The following XXYLT1 variants were observed in gnomAD, a reference collection of about 807,000 sequenced individuals.
XXYLT1 encodes UDP-xylose:alpha-xyloside alpha-1,3-xylosyltransferase.
A neutral mutation model predicts 28.9 loss-of-function variants in XXYLT1; 20 were observed. The observed-to-expected ratio is 0.69, with a 90% CI of 0.49 to 1.00. XXYLT1 has a LOEUF of 1.00. XXYLT1 is among the 50% of genes least tolerant of loss of function. XXYLT1 has a pLI of 0.00. For synonymous variants in XXYLT1, 257 were observed against 253.8 expected (o/e 1.01, Z -0.12); for missense variants, 542 against 560.1 (o/e 0.97, Z 0.33).
At chr3:195,128,462 G>A (rs1276277167) in intron 3 of XXYLT1, among the ~76,000 whole-genome samples, 1 of 152,072 alleles carries the variant, frequency 6.6e-6, no homozygotes, top group Non-Finnish European at 1.5e-5. Context: ...AATGAAACCA[G>A]ACCTCCCCAT....
intron 3 of XXYLT1, among the ~76,000 whole-genome samples, chr3:195,153,441 C>T (rs1720391855): frequency 6.6e-6 from 1 of 152,144 alleles, no homozygotes; most frequent in South Asian, 2.1e-4. Flanking sequence ...GGAAACATTT[C>T]AGCTGAGGGG....
rs1726014880 is a variant in XXYLT1, at chr3:195,271,117, G to A, written c.-59C>T. 7.8e-7 allele frequency: 1 copy of A among 1,277,124 alleles called. No individual in the cohort carries two copies. Among genetic ancestry groups the A allele is most frequent in the Non-Finnish European group, 9.9e-7 (1 of 1,014,160 alleles). 79.1% of individuals were successfully genotyped at this position (1,277,124 alleles called of 1,614,324 possible). ...AACGCGGGAGAGCCCTCGGGTACCCGGACGCCGGCGGCCACTTAGCCCCGG... is the reference window on the plus strand; with the variant it reads ...AACGCGGGAGAGCCCTCGGGTACCCAGACGCCGGCGGCCACTTAGCCCCGG... On this transcript the variant is annotated 5_prime_UTR_variant, in exon 1 of 4. Coordinates refer to ENST00000310380, the MANE Select transcript of XXYLT1 (RefSeq NM_152531.5).
intron 3 of XXYLT1, among the ~76,000 whole-genome samples, chr3:195,086,698 C>G (rs1382017998): frequency 1.3e-5 from 2 of 152,006 alleles, no homozygotes; most frequent in African/African-American, 4.8e-5. Context: ...CTGGAAGCAG[C>G]AAGACCAGGC....
Position 195,069,937 on chromosome 3 carries a change from G to C in XXYLT1, c.960C>G (p.Asp320Glu). ...CGAGGTGGCCGCGGAAGTGGTACTT[G>C]TCGGCCAGCTGCTGCACCTGCGCCG... ...LEPAQVQQLA[D>E]KYHFRGHLGD... is the part of the protein sequence containing the mutation. The change falls in exon 4 of 4, where the codon GAC becomes GAG. Residue 320 changes from aspartate (D) to glutamate (E), a missense_variant. By Grantham distance (45) the Asp-to-Glu change is conservative (BLOSUM62 2). Transcript: ENST00000310380. 1.2e-6 allele frequency: 2 copies of C among 1,613,146 alleles called. No homozygotes were observed.
chr3:195,267,957 A>C (rs1424076835), intron 1 of XXYLT1, among the ~76,000 whole-genome samples: 1 of 152,222 alleles, frequency 6.6e-6, no homozygotes, highest in Non-Finnish European at 1.5e-5. Flanking sequence ...AGCACTTTTC[A>C]TCACAAACAG....
At chr3:195,112,496 G>GCACACACCCA (rs59591886) in intron 3 of XXYLT1, among the ~76,000 whole-genome samples, 1 of 75,562 alleles carries the variant, frequency 1.3e-5, no homozygotes, top group African/African-American at 4.4e-5. Context: ...ATGGACACAT[G>GCACACACCCA]CACACACCCA....
intron 3 of XXYLT1, among the ~76,000 whole-genome samples, chr3:195,112,973 TG>T (rs1366409308): frequency 6.6e-6 from 1 of 152,242 alleles, no homozygotes; most frequent in East Asian, 1.9e-4. Context: ...AAATCCAATC[TG>T]GGTTTCAACT....
Position 195,255,337 on chromosome 3 carries a change from C to T in XXYLT1, c.504+15218G>A, listed in dbSNP as rs1725438530. 6.6e-6 allele frequency among the ~76,000 whole-genome samples: 1 copy of T among 152,200 alleles called. No individual in the cohort carries two copies. Among genetic ancestry groups the T allele is most frequent in the Non-Finnish European group, 1.5e-5 (1 of 68,032 alleles). On this transcript the variant is annotated intron_variant, in intron 1 of 3. Transcript: ENST00000310380. This position sits in a 1 kb window ranked among gnomAD's most constrained non-coding sequence, Gnocchi z 4.5. The stretch of plus-strand genomic sequence containing the variant: ...CAGCGGGGTTCCCTACCCCACACGG[C>T]TCGCACCCACGAGCTCAGCCCCCAG...
In XXYLT1 at chr3:195,068,763, G is replaced by T. The variant is rs767139336; in HGVS notation, c.*952C>A. ...ACCTGGCTAATTTTTAAAATATTTT[G>T]TAGCGATGGGGGCCTCCCTGTGTTT... is the stretch of plus-strand genomic sequence containing the variant. On this transcript the variant is annotated 3_prime_UTR_variant, in exon 4 of 4. Transcript: ENST00000310380. The T allele has an allele frequency of 1.3e-5, 2 of 152,028 alleles. No individual in the cohort carries two copies. Among genetic ancestry groups the T allele is most frequent in the African/African-American group, 2.4e-5 (1 of 41,374 alleles). 9.4% of individuals were successfully genotyped at this position (152,028 alleles called of 1,614,324 possible). A position where few individuals can be genotyped will look rare whatever the true frequency, so the allele number is the denominator to read the frequency against.
At chr3:195,203,649 T>A (rs1434508329) in intron 2 of XXYLT1, among the ~76,000 whole-genome samples, 1 of 152,204 alleles carries the variant, frequency 6.6e-6, no homozygotes, top group Non-Finnish European at 1.5e-5. Flanking sequence ...GACAGACACA[T>A]TCTCTCCACT....
chr3:195,244,865 C>CA (rs546319368), intron 1 of XXYLT1, among the ~76,000 whole-genome samples: 3,809 of 75,582 alleles, frequency 0.05, 120 homozygotes, highest in East Asian at 0.16. Flanking sequence ...AAAAAAAAAA[C>CA]AAAAAAAAAC....
In XXYLT1 at chr3:195,159,888, C is replaced by T. The variant is rs541951412; in HGVS notation, c.653-3307G>A. On this transcript the variant is annotated intron_variant, in intron 2 of 3. Transcript: ENST00000310380. Reference sequence around the variant, plus strand: ...TGGCGGTGGTGGATCTCACATCCAGCAGAAACTTGGGTCGCTTCTGAGCTG... The same window carrying T: ...TGGCGGTGGTGGATCTCACATCCAGTAGAAACTTGGGTCGCTTCTGAGCTG... 5.3e-5 allele frequency among the ~76,000 whole-genome samples: 8 copies of T among 152,258 alleles called. No individual in the cohort carries two copies. The South Asian group carries it at 1.7e-3, about 32-fold the overall frequency.
At chr3:195,268,305 C>T (rs917200604) in intron 1 of XXYLT1, among the ~76,000 whole-genome samples, 1 of 152,012 alleles carries the variant, frequency 6.6e-6, no homozygotes, top group Non-Finnish European at 1.5e-5. Flanking sequence ...GTGGCGGGCG[C>T]CTGTAATCCC....
intron 2 of XXYLT1, among the ~76,000 whole-genome samples, chr3:195,182,788 AAAC>A (rs1722015644): frequency 1.3e-5 from 2 of 152,296 alleles, no homozygotes; most frequent in South Asian, 4.1e-4. Context: ...TCAACAATAA[AAAC>A]AACTGCCTCC....
At chr3:195,252,725 C>CAGAGAGAGAG (rs1366490007) in intron 1 of XXYLT1, among the ~76,000 whole-genome samples, 12 of 129,132 alleles carry the variant, frequency 9.3e-5, no homozygotes, top group African/African-American at 3.9e-4. Context: ...CACACACACA[C>CAGAGAGAGAG]ACAGAGAGAG....
intron 2 of XXYLT1, among the ~76,000 whole-genome samples, chr3:195,178,060 T>C (rs572680861): frequency 1.3e-5 from 2 of 152,246 alleles, no homozygotes; most frequent in African/African-American, 4.8e-5. Flanking sequence ...GTGCATTTCA[T>C]TGTATTAAAC....
chr3:195,121,045 C>T (rs1319506123), intron 3 of XXYLT1, among the ~76,000 whole-genome samples: 2 of 152,196 alleles, frequency 1.3e-5, no homozygotes, highest in Non-Finnish European at 2.9e-5. Context: ...GTGGGCCACA[C>T]CTAGCCTGCT....
chr3:195,074,442 C>G (rs1715003483), intron 3 of XXYLT1, among the ~76,000 whole-genome samples: 1 of 152,182 alleles, frequency 6.6e-6, no homozygotes, highest in South Asian at 2.1e-4. Context: ...AACGTGATTT[C>G]CCTCATACCC....
At chr3:195,170,012 C>T (rs866841009) in intron 2 of XXYLT1, among the ~76,000 whole-genome samples, 4 of 10,534 alleles carry the variant, frequency 3.8e-4, no homozygotes, top group East Asian at 3.8e-3. Flanking sequence ...ATTTCATGCC[C>T]GGCTAATTTT....
Sources: allele counts gnomAD v4.1 joint callset (sites outside exome capture counted in the v4.1 genomes callset), GRCh38; gene constraint gnomAD v4.1.1; non-coding constraint Gnocchi (gnomAD v3.1); transcripts MANE v1.5; gene names NCBI Gene and HGNC (gene_info 2026-07-23, HGNC 2026-07-21).